The following LDB1 variants were observed in gnomAD, a reference collection of about 807,000 sequenced individuals.
LDB1 encodes LIM domain-binding protein 1.
In LDB1, 6 loss-of-function variants were observed where a neutral mutation model predicts 49.7. The ratio of observed to expected loss-of-function variants is 0.12; its 90% CI spans 0.07 to 0.24. LDB1 has a LOEUF of 0.24. Ranked by LOEUF, LDB1 falls within the 10% of genes least tolerant of loss-of-function variation. LDB1 has a pLI of 1.00. For synonymous variants in LDB1, 233 were observed against 202.0 expected, an observed-to-expected ratio of 1.15 and a Z score of -1.30; for missense variants, 341 against 561.7, an observed-to-expected ratio of 0.61 and a Z score of 3.97.
intron 1 of LDB1, among the ~76,000 whole-genome samples, chr10:102,119,320 G>A (rs1279792820): frequency 2.1e-5 from 3 of 142,734 alleles, no homozygotes; most frequent in Admixed American, 7.1e-5. Flanking sequence ...TGCCCCCCAG[G>A]AAAAAAACTC....
chr10:102,115,533 C>A (rs1421191438), intron 1 of LDB1, among the ~76,000 whole-genome samples: 1 of 152,078 alleles, frequency 6.6e-6, no homozygotes, highest in African/African-American at 2.4e-5. Context: ...ACACTCCAGG[C>A]TTCCCTGCCC....
rs2068343780 is a variant in LDB1, at chr10:102,117,045, C to A, written c.25+3041G>T. On this transcript the variant is annotated intron_variant, in intron 1 of 10. Coordinates refer to ENST00000673968, the MANE Select transcript of LDB1 (RefSeq NM_001113407.3). This position sits in a 1 kb window ranked among gnomAD's most constrained non-coding sequence, Gnocchi z 4.2. ...GGGGGTTGAACCCTGCACTTCTAAA[C>A]CCACCAGATACAAGCCAAGCCCTGC... is the stretch of plus-strand genomic sequence containing the variant. Among the ~76,000 whole-genome samples, 1 of 152,062 alleles carries A rather than the reference C, an allele frequency of 6.6e-6. No homozygotes were observed. The highest frequency in any genetic ancestry group is 1.5e-5 in the Non-Finnish European group (1 of 68,020).
chr10:102,111,425 C>CT lies in LDB1; in HGVS notation c.128+8dup, dbSNP rs2133511872. 6.3e-7 allele frequency: 1 copy of CT among 1,595,282 alleles called. No homozygotes were observed. Among genetic ancestry groups the CT allele is most frequent in the East Asian group, 2.2e-5 (1 of 44,658 alleles). Reference sequence around the variant, plus strand: ...GAAGGGTTAGGAAGTGGCCAAGAGACTCACTTACCCCACATCCCTATCCAG... The same window carrying CT: ...GAAGGGTTAGGAAGTGGCCAAGAGACTTCACTTACCCCACATCCCTATCCAG... On this transcript the variant is annotated intron_variant, in intron 2 of 10. Coordinates refer to ENST00000673968, the MANE Select transcript of LDB1 (RefSeq NM_001113407.3).
rs776230908 is a variant in LDB1, at chr10:102,111,470, G to A, written c.92C>T (p.Pro31Leu). The A allele has an allele frequency of 1.3e-5, 21 of 1,567,032 alleles. No homozygotes were observed. Among genetic ancestry groups the A allele is most frequent in the African/African-American group, 2.7e-5 (2 of 73,584 alleles). The change falls in exon 2 of 11, where the codon CCC (proline) becomes CTC (leucine). Residue 31 changes from proline (P) to leucine (L), a missense_variant. Physicochemically the swap from Pro to Leu is moderately conservative, Grantham distance 98. Coordinates refer to ENST00000673968, the MANE Select transcript of LDB1 (RefSeq NM_001113407.3). The stretch of plus-strand genomic sequence containing the variant: ...ATCCAGCATGGTGCCGGGATGGAAG[G>A]GGGGAAAGGCGTTGCCGTTCGGGGG... ...KEPPNGNAFP[P>L]FHPGTMLDRD... is the part of the protein sequence containing the mutation.
In LDB1 at chr10:102,113,542, A is replaced by G. The variant is rs1397499064; in HGVS notation, c.26-2006T>C. Among the ~76,000 whole-genome samples, 7 of 152,124 alleles carry G rather than the reference A, an allele frequency of 4.6e-5. No homozygotes were observed. The East Asian group carries it at 1.3e-3, about 29-fold the overall frequency. ...CCACAGACAGGCAGACTAAGGCCACACAGGAAGCCCAAACTCACACAGCCC... is the reference window on the plus strand; with the variant it reads ...CCACAGACAGGCAGACTAAGGCCACGCAGGAAGCCCAAACTCACACAGCCC... On this transcript the variant is annotated intron_variant, in intron 1 of 10. Transcript: ENST00000673968.
intron 10 of LDB1, 114 bp from the exon 11 acceptor site, chr10:102,108,437 C>T (rs1274590580): frequency 8.5e-6 from 6 of 705,356 alleles, no homozygotes; most frequent in African/African-American, 7.2e-5. Flanking sequence ...GTCCCCACCC[C>T]CTCCTCATAC....
chr10:102,109,640 G>C lies in LDB1; in HGVS notation c.692C>G (p.Thr231Ser). 6.2e-7 allele frequency: 1 copy of C among 1,614,166 alleles called. No individual in the cohort carries two copies. The highest frequency in any genetic ancestry group is 8.5e-7 in the Non-Finnish European group (1 of 1,180,016). The stretch of plus-strand genomic sequence containing the variant: ...AGTGGAATTGGACAGCCCACACCGA[G>C]TGATGTTTTTGGAGAGCTGATCCAA... ...QMLDQLSKNI[T>S]RCGLSNSTLN... The change falls in exon 8 of 11, where the codon ACT (threonine) becomes AGT (serine). Residue 231 changes from threonine (T) to serine (S), a missense_variant. Coordinates refer to ENST00000673968, the MANE Select transcript of LDB1 (RefSeq NM_001113407.3). This position sits in a 1 kb window ranked among gnomAD's most constrained non-coding sequence, Gnocchi z 5.8.
At position 102,110,521 on chromosome 10, in the gene LDB1, T is replaced by C. The variant is rs2068236235; in HGVS notation, c.525+8A>G. Reference sequence around the variant, plus strand: ...CCATGGTGTTCCACATCCAGCTGGGTTGCTGACCTGGGTGAACATGGGCTT... The same window carrying C: ...CCATGGTGTTCCACATCCAGCTGGGCTGCTGACCTGGGTGAACATGGGCTT... On this transcript the variant is annotated splice_region_variant and intron_variant, in intron 6 of 10. Transcript: ENST00000673968. The C allele has an allele frequency of 6.2e-7, 1 of 1,607,828 alleles. No individual in the cohort carries two copies. Among genetic ancestry groups the C allele is most frequent in the Admixed American group, 1.7e-5 (1 of 59,478 alleles).
downstream of LDB1, among the ~76,000 whole-genome samples, chr10:102,104,665 GC>G (rs1389876238): frequency 2.0e-5 from 3 of 152,170 alleles, no homozygotes; most frequent in East Asian, 5.8e-4. Context: ...CCTACCCCCT[GC>G]CCCCAAGTAG....
At chr10:102,119,211 G>T (rs1250555845) in intron 1 of LDB1, among the ~76,000 whole-genome samples, 1 of 152,160 alleles carries the variant, frequency 6.6e-6, no homozygotes, top group Non-Finnish European at 1.5e-5. Flanking sequence ...GATGGAGACA[G>T]ACAGTGTGCC....
chr10:102,111,418 C>G lies in LDB1; in HGVS notation c.128+16G>C. The G allele has an allele frequency of 1.3e-6, 2 of 1,597,594 alleles. No homozygotes were observed. The highest frequency in any genetic ancestry group is 1.7e-6 in the Non-Finnish European group (2 of 1,169,016). ...ACCTGGAGAAGGGTTAGGAAGTGGC[C>G]AAGAGACTCACTTACCCCACATCCC... is the stretch of plus-strand genomic sequence containing the variant. On this transcript the variant is annotated intron_variant, in intron 2 of 10. Coordinates refer to ENST00000673968, the MANE Select transcript of LDB1 (RefSeq NM_001113407.3).
chr10:102,111,050 CCT>C lies in LDB1; in HGVS notation c.249+17_249+18del, dbSNP rs948630898. ...CCAGATGGCCCTCCTGCTCCCAGCC[CCT>C]TTTCCCTTGGCCATACCTCTGTCCA... On this transcript the variant is annotated intron_variant, in intron 4 of 10. Coordinates refer to ENST00000673968, the MANE Select transcript of LDB1 (RefSeq NM_001113407.3). 7.4e-6 allele frequency: 12 copies of C among 1,613,592 alleles called. No homozygotes were observed. The highest frequency in any genetic ancestry group is 2.7e-5 in the African/African-American group (2 of 74,884).
chr10:102,107,373 G>A lies in LDB1; in HGVS notation c.*720C>T, dbSNP rs2068178041. ...CCATGGCATGCTTTCCTCAACTGCA[G>A]TCACCCCAGAGGAAAGGGGGAGAGA... On this transcript the variant is annotated 3_prime_UTR_variant, in exon 11 of 11. Coordinates refer to ENST00000673968, the MANE Select transcript of LDB1 (RefSeq NM_001113407.3). 6.6e-6 allele frequency among the ~76,000 whole-genome samples: 1 copy of A among 152,050 alleles called. No homozygotes were observed. Among genetic ancestry groups the A allele is most frequent in the African/African-American group, 2.4e-5 (1 of 41,378 alleles).
intron 1 of LDB1, among the ~76,000 whole-genome samples, chr10:102,113,064 G>C (rs1385571173): frequency 6.6e-6 from 1 of 152,194 alleles, no homozygotes; most frequent in Non-Finnish European, 1.5e-5. Flanking sequence ...AGGGTAGCTA[G>C]ATTGGCTGTA....
chr10:102,119,292 C>A lies in LDB1; in HGVS notation c.25+794G>T, dbSNP rs547797888. On this transcript the variant is annotated intron_variant, in intron 1 of 10. Transcript: ENST00000673968. ...TTTCCTCCTGGCAGTGAGGTAGACG[C>A]CCTCCGCCCCCCCCACCTGCCCCCC... 8.7e-5 allele frequency among the ~76,000 whole-genome samples: 13 copies of A among 149,796 alleles called. No individual in the cohort carries two copies. The South Asian group carries it at 2.8e-3, about 32-fold the overall frequency.
chr10:102,120,405 G>A (rs928937430), upstream of LDB1: 328 of 984,262 alleles, frequency 3.3e-4, no homozygotes, highest in Non-Finnish European at 3.8e-4. Flanking sequence ...GCGTGTGCGT[G>A]TCTGTGCGCT....
At position 102,120,203 on chromosome 10, in the gene LDB1, G is replaced by A; in HGVS notation, c.-93C>T. Reference sequence around the variant, plus strand: ...GCATGAGCCGCCGCCGCCGCCCGCGGCCCCCGCTGCGCTCGCCGCCGGCCC... The same window carrying A: ...GCATGAGCCGCCGCCGCCGCCCGCGACCCCCGCTGCGCTCGCCGCCGGCCC... On this transcript the variant is annotated 5_prime_UTR_variant, in exon 1 of 11. Coordinates refer to ENST00000673968, the MANE Select transcript of LDB1 (RefSeq NM_001113407.3). The A allele has an allele frequency of 1.9e-6, 2 of 1,035,882 alleles. No individual in the cohort carries two copies. The highest frequency in any genetic ancestry group is 1.2e-6 in the Non-Finnish European group (1 of 862,766). 64.2% of individuals were successfully genotyped at this position (1,035,882 alleles called of 1,614,324 possible).
intron 1 of LDB1, among the ~76,000 whole-genome samples, chr10:102,115,413 G>A (rs980765426): frequency 1.3e-5 from 2 of 152,202 alleles, no homozygotes; most frequent in African/African-American, 4.8e-5. Flanking sequence ...TGCCAGCCTG[G>A]GCTCCCCTGG....
rs942497889 is a variant in LDB1 at position 102,114,879 on chromosome 10, C to A, written c.26-3343G>T. ...GCACCAGGAGAGGCAGGACCCGGCA[C>A]TCACACTCACTCACACTCGCACACT... is the stretch of plus-strand genomic sequence containing the variant. On this transcript the variant is annotated intron_variant, in intron 1 of 10. Coordinates refer to ENST00000673968, the MANE Select transcript of LDB1 (RefSeq NM_001113407.3). 46 of 980,276 alleles carry A rather than the reference C, an allele frequency of 4.7e-5. No individual in the cohort carries two copies. The South Asian group carries it at 5.7e-4, about 12-fold the overall frequency. The allele number at this position is 980,276 out of a possible 1,614,324, so 60.7% of individuals were successfully genotyped here.
Sources: allele counts gnomAD v4.1 joint callset (sites outside exome capture counted in the v4.1 genomes callset), GRCh38; gene constraint gnomAD v4.1.1; non-coding constraint Gnocchi (gnomAD v3.1); transcripts MANE v1.5; gene names NCBI Gene and HGNC (gene_info 2026-07-23, HGNC 2026-07-21).